The following HERC5 variants were observed in gnomAD, a reference collection of about 807,000 sequenced individuals.
The protein encoded by HERC5 is E3 ISG15--protein ligase HERC5.
A neutral mutation model predicts 119.6 loss-of-function variants in HERC5; 99 were observed. That is an observed-to-expected ratio of 0.83 (90% CI 0.70 to 0.98). HERC5 has a LOEUF of 0.98. Among genes scored for constraint, HERC5 ranks in the 50% least tolerant of loss-of-function variants. The pLI is 0.00. For missense variants in HERC5, 1,267 were observed against 1,241.3 expected, an observed-to-expected ratio of 1.02 and a Z score of -0.31; for synonymous variants, 478 against 445.9, an observed-to-expected ratio of 1.07 and a Z score of -0.91.
intron 16 of HERC5, among the ~76,000 whole-genome samples, chr4:88,492,466 G>A (rs547953181): frequency 6.6e-5 from 10 of 151,926 alleles, no homozygotes; most frequent in South Asian, 2.1e-4. Flanking sequence ...GCTGTAGGCC[G>A]GGTGTGGTGG....
chr4:88,469,213 G>C lies in HERC5; in HGVS notation c.1191G>C (p.Lys397Asn), dbSNP rs774505847. The part of the protein sequence containing the change: ...TIPTLNEGTV[K>N]RWIADVETKR... ...CTACTCTGAATGAAGGGACTGTAAA[G>C]AGATGGATTGCTGATGTGGAGACTA... Residue 397 changes from lysine (K) to asparagine (N), a missense_variant, in exon 9 of 23, where the codon AAG becomes AAC. Physicochemically the swap from Lys to Asn is moderately conservative, Grantham distance 94. Transcript: ENST00000264350. 1 of 1,613,752 alleles carries C rather than the reference G, an allele frequency of 6.2e-7. No individual in the cohort carries two copies. Among genetic ancestry groups the C allele is most frequent in the Admixed American group, 1.7e-5 (1 of 60,006 alleles).
At position 88,462,247 on chromosome 4, in the gene HERC5, G is replaced by C; in HGVS notation, c.579G>C (p.Leu193Phe). 2 of 1,614,180 alleles carry C rather than the reference G, an allele frequency of 1.2e-6. No individual in the cohort carries two copies. Among genetic ancestry groups the C allele is most frequent in the Non-Finnish European group, 1.7e-6 (2 of 1,180,032 alleles). The change falls in exon 4 of 23, where the codon TTG becomes TTC. Residue 193 changes from leucine (L) to phenylalanine (F), a missense_variant. Coordinates refer to ENST00000264350, the MANE Select transcript of HERC5 (RefSeq NM_016323.4). ...QIVEHLAGVPLAQISAGEAHS... is the reference protein window; with the variant it reads ...QIVEHLAGVPFAQISAGEAHS... ...TGGAGCACCTCGCAGGAGTACCCTT[G>C]GCTCAGATTTCTGCCGGAGAAGCCC...
intron 18 of HERC5, among the ~76,000 whole-genome samples, chr4:88,496,815 G>T (rs1467984933): frequency 6.6e-6 from 1 of 152,150 alleles, no homozygotes; most frequent in Non-Finnish European, 1.5e-5. Context: ...CATCAAGAGG[G>T]TGTTAGAAAA....
intron 1 of HERC5, among the ~76,000 whole-genome samples, chr4:88,458,397 G>GT (rs550662608): frequency 6.0e-4 from 87 of 145,682 alleles, no homozygotes; most frequent in South Asian, 1.3e-3. Flanking sequence ...TAATTTTAAG[G>GT]TTTTTTTTTT....
At position 88,457,239 on chromosome 4, in the gene HERC5, G is replaced by A. The variant is rs1377863524; in HGVS notation, c.-31G>A. 129 of 1,300,306 alleles carry A rather than the reference G, an allele frequency of 9.9e-5. No individual in the cohort carries two copies. The highest frequency in any genetic ancestry group is 1.2e-4 in the Non-Finnish European group (126 of 1,023,064). 80.5% of individuals were successfully genotyped at this position (1,300,306 alleles called of 1,614,324 possible). ...CCGGGACCAGGCGTTCTCTCCTCTC[G>A]CCTCTGGGCCTGGGACCCCGCAAAG... On this transcript the variant is annotated 5_prime_UTR_variant, in exon 1 of 23. Coordinates refer to ENST00000264350, the MANE Select transcript of HERC5 (RefSeq NM_016323.4).
At chr4:88,465,850 T>C (rs1442317763) in intron 6 of HERC5, among the ~76,000 whole-genome samples, 1 of 152,236 alleles carries the variant, frequency 6.6e-6, no homozygotes, top group Non-Finnish European at 1.5e-5. Context: ...AATGCTGAGC[T>C]TGTGGCTGTC....
chr4:88,460,070 C>A, intron 2 of HERC5, 25 bp from the exon 3 acceptor site: 3 of 1,250,126 alleles, frequency 2.4e-6, no homozygotes, highest in Non-Finnish European at 3.5e-6. Flanking sequence ...TGGTGATTAA[C>A]ACAAAGTGTA....
intron 13 of HERC5, among the ~76,000 whole-genome samples, chr4:88,479,725 C>T (rs941140326): frequency 2.0e-5 from 3 of 151,886 alleles, no homozygotes; most frequent in African/African-American, 7.3e-5. Flanking sequence ...ACATTAGTGT[C>T]CTTACCACCC....
intron 18 of HERC5, among the ~76,000 whole-genome samples, chr4:88,499,228 T>C (rs1317830014): frequency 6.6e-6 from 1 of 152,226 alleles, no homozygotes; most frequent in Non-Finnish European, 1.5e-5. Flanking sequence ...GGCAGTGATA[T>C]CTTAGTCTCA....
intron 12 of HERC5, among the ~76,000 whole-genome samples, chr4:88,478,509 G>T (rs1228276324): frequency 3.3e-5 from 5 of 152,108 alleles, no homozygotes; most frequent in Non-Finnish European, 5.9e-5. Context: ...AACAAGTTTA[G>T]AGATCTACTA....
At chr4:88,461,120 C>G (rs1025965326) in intron 3 of HERC5, among the ~76,000 whole-genome samples, 17 of 152,168 alleles carry the variant, frequency 1.1e-4, no homozygotes, top group African/African-American at 4.1e-4. Flanking sequence ...TGAATAGAAT[C>G]TGGGATTCAA....
rs1361504001 is a variant in HERC5 at position 88,503,043 on chromosome 4, T to G, written c.2583-1189T>G. On this transcript the variant is annotated intron_variant, in intron 20 of 22. Transcript: ENST00000264350. Reference sequence around the variant, plus strand: ...CTTTATCAATATTTTCCTTAATGCATAGTGTTTTTCTGTTTTCTATTTTAT... The same window carrying G: ...CTTTATCAATATTTTCCTTAATGCAGAGTGTTTTTCTGTTTTCTATTTTAT... 2.0e-5 allele frequency among the ~76,000 whole-genome samples: 3 copies of G among 152,290 alleles called. No homozygotes were observed. The East Asian group carries it at 5.8e-4, about 29-fold the overall frequency.
intron 3 of HERC5, 140 bp from the exon 4 acceptor site, chr4:88,461,995 A>AC: frequency 1.4e-6 from 1 of 695,656 alleles, no homozygotes; most frequent in Non-Finnish European, 2.4e-6. Context: ...TCTGTGGCAG[A>AC]CATAGGGTAA....
chr4:88,457,311 C>T lies in HERC5; in HGVS notation c.42C>T (p.Arg14=). 2 of 1,379,522 alleles carry T rather than the reference C, an allele frequency of 1.4e-6. No individual in the cohort carries two copies. Among genetic ancestry groups the T allele is most frequent in the Non-Finnish European group, 1.9e-6 (2 of 1,070,672 alleles). The allele number at this position is 1,379,522 out of a possible 1,614,324, so 85.5% of individuals were successfully genotyped here. ...RSRRKSRRNG[R]STAGKAAATQ... Reference sequence around the variant, plus strand: ...GGAGGAAGTCGCGGCGCAACGGGCGCTCGACCGCGGGCAAGGCCGCCGCGA... The same window carrying T: ...GGAGGAAGTCGCGGCGCAACGGGCGTTCGACCGCGGGCAAGGCCGCCGCGA... The change falls in exon 1 of 23, where the codon CGC becomes CGT. Residue 14 remains arginine (R), a synonymous_variant. Coordinates refer to ENST00000264350, the MANE Select transcript of HERC5 (RefSeq NM_016323.4).
At position 88,470,628 on chromosome 4, in the gene HERC5, T is replaced by G. The variant is rs141870419; in HGVS notation, c.1253T>G (p.Ile418Arg). 37 of 1,511,086 alleles carry G rather than the reference T, an allele frequency of 2.4e-5. No homozygotes were observed. The highest frequency in any genetic ancestry group is 3.2e-5 in the Non-Finnish European group (35 of 1,091,800). The allele number at this position is 1,511,086 out of a possible 1,614,324, so 93.6% of individuals were successfully genotyped here. Residue 418 changes from isoleucine to arginine, a missense_variant, in exon 10 of 23, where the codon ATA becomes AGA. Ile to Arg is a moderately conservative substitution (Grantham distance 97). Around this residue, in one of 3 missense-constraint regions of HERC5, gnomAD observed 777 missense variants for 758.0 expected, o/e 1.03. Transcript: ENST00000264350. ...TACTAATATAGGGAAATCCAAGAGATATTTTCATCTCCTGCTTGTCTAACT... is the reference window on the plus strand; with the variant it reads ...TACTAATATAGGGAAATCCAAGAGAGATTTTCATCTCCTGCTTGTCTAACT... ...WQSTKREIQE[I>R]FSSPACLTGS... is the part of the protein sequence containing the mutation.
chr4:88,481,548 C>T (rs1394748246), intron 13 of HERC5, among the ~76,000 whole-genome samples: 1 of 151,998 alleles, frequency 6.6e-6, no homozygotes, highest in Non-Finnish European at 1.5e-5. Flanking sequence ...TAATTTTACT[C>T]CTTGTGTCTT....
At chr4:88,504,126 G>A in intron 20 of HERC5, 106 bp from the exon 21 acceptor site, 2 of 684,816 alleles carry the variant, frequency 2.9e-6, no homozygotes, top group Non-Finnish European at 5.0e-6. Flanking sequence ...CATGGCACAT[G>A]GTAGGTACTC....
At chr4:88,478,411 A>G (rs1741157504) in intron 12 of HERC5, among the ~76,000 whole-genome samples, 1 of 152,102 alleles carries the variant, frequency 6.6e-6, no homozygotes, top group African/African-American at 2.4e-5. Flanking sequence ...AGAGATAGAT[A>G]ATAAAATAGT....
At chr4:88,475,752 C>T (rs1741043264) in intron 11 of HERC5, 89 bp from the exon 12 acceptor site, 1 of 1,064,284 alleles carries the variant, frequency 9.4e-7, no homozygotes, top group East Asian at 2.4e-5. Context: ...AATGACATTC[C>T]AGCCTCTACA....
Sources: allele counts gnomAD v4.1 joint callset (sites outside exome capture counted in the v4.1 genomes callset), GRCh38; gene constraint gnomAD v4.1.1; regional missense constraint gnomAD v4.1.1; transcripts MANE v1.5; gene names NCBI Gene and HGNC (gene_info 2026-07-23, HGNC 2026-07-21).